MT1F: variants seen among roughly 807,000 people sequenced by gnomAD.
MT1F encodes metallothionein-1F.
Under a neutral mutation model 5.4 loss-of-function variants are expected in MT1F, and 6 were observed. That is an observed-to-expected ratio of 1.11 (90% confidence interval 0.61 to 2.19). The LOEUF is 2.19. Ranked by LOEUF, MT1F falls within the 30% of genes most tolerant of loss-of-function variation. The pLI is 0.00. For missense variants in MT1F, 82 were observed against 77.0 expected (o/e 1.07, Z -0.24); for synonymous variants, 28 against 28.3 (o/e 0.99, Z 0.04).
intron 2 of MT1F, 55 bp downstream of exon 2, chr16:56,658,795 C>T: frequency 6.2e-7 from 1 of 1,604,312 alleles, no homozygotes; most frequent in Non-Finnish European, 8.5e-7. Context: ...TGGGATGGAA[C>T]CCAAGGCTGG....
chr16:56,658,599 G>A, intron 1 of MT1F, 76 bp from the exon 2 acceptor site: 7 of 1,476,874 alleles, frequency 4.7e-6, no homozygotes, highest in South Asian at 1.1e-5. Flanking sequence ...AGGGGGCAAT[G>A]GAGACTCATT....
intron 2 of MT1F, 109 bp from the exon 3 acceptor site, chr16:56,658,964 C>T: frequency 8.9e-7 from 1 of 1,129,344 alleles, no homozygotes; most frequent in Admixed American, 1.8e-5. Flanking sequence ...GCCATACCCT[C>T]CTGAACTGAG....
At position 56,659,227 on chromosome 16, in the gene MT1F, T is replaced by A. The variant is rs545591247; in HGVS notation, c.*63T>A. On this transcript the variant is annotated 3_prime_UTR_variant, in exon 3 of 3. Coordinates refer to ENST00000334350, the MANE Select transcript of MT1F (RefSeq NM_005949.4). ...ACATGTACAAACCTGGATTTTTTTT[T>A]TATACCACCTTGACCCATTTGCTAC... 3 of 1,522,370 alleles carry A rather than the reference T, an allele frequency of 2.0e-6. No homozygotes were observed. The highest frequency in any genetic ancestry group is 1.7e-5 in the Admixed American group (1 of 57,342). The allele number at this position is 1,522,370 out of a possible 1,614,324, so 94.3% of individuals were successfully genotyped here.
At position 56,658,543 on chromosome 16, in the gene MT1F, T is replaced by TGA. The variant is rs113577580; in HGVS notation, c.29-131_29-130insAG. On this transcript the variant is annotated intron_variant, in intron 1 of 2. Coordinates refer to ENST00000334350, the MANE Select transcript of MT1F (RefSeq NM_005949.4). ...AGAGGACATGGGGCTTCTCTTCCTC[T>TGA]GCTCTGAGTGGGAAAGGAGCTCTGA... 7.0e-4 allele frequency: 628 copies of TGA among 895,754 alleles called. 3 individuals carry two copies. The African/African-American group carries it at 9.6e-3, about 14-fold the overall frequency. The allele number at this position is 895,754 out of a possible 1,614,324, so 55.5% of individuals were successfully genotyped here.
chr16:56,658,621 G>T, intron 1 of MT1F, 54 bp from the exon 2 acceptor site: 1 of 1,584,358 alleles, frequency 6.3e-7, no homozygotes, highest in Non-Finnish European at 8.7e-7. Flanking sequence ...ACTCACTGCT[G>T]TACCTCCTGC....
At chr16:56,658,805 G>T in intron 2 of MT1F, 65 bp downstream of exon 2, 2 of 1,583,982 alleles carry the variant, frequency 1.3e-6, no homozygotes, top group Non-Finnish European at 1.7e-6. Context: ...CCCAAGGCTG[G>T]CCCTGAGTGC....
At chr16:56,658,977 T>C in intron 2 of MT1F, 96 bp from the exon 3 acceptor site, 1 of 1,166,400 alleles carries the variant, frequency 8.6e-7, no homozygotes, top group Non-Finnish European at 1.3e-6. Flanking sequence ...GAACTGAGGG[T>C]CCTTTGTGGC....
At position 56,659,150 on chromosome 16, in the gene MT1F, A is replaced by G. The variant is rs1188174587; in HGVS notation, c.172A>G (p.Ser58Gly). 6 of 1,614,004 alleles carry G rather than the reference A, an allele frequency of 3.7e-6. No homozygotes were observed. In the Admixed American group the frequency reaches 8.3e-5, roughly 22 times the overall value. ...TTGCAAAGGGGCGTCAGAGAAGTGC[A>G]GCTGCTGCGACTGATGCCAGGACAA... is the stretch of plus-strand genomic sequence containing the variant. ...CVCKGASEKC[S>G]CCD The change falls in exon 3 of 3, where the codon AGC (serine) becomes GGC (glycine). Residue 58 changes from serine to glycine, a missense_variant. By Grantham distance (56) the Ser-to-Gly change is moderately conservative. Transcript: ENST00000334350.
rs201579326 is a variant in MT1F at position 56,658,739 on chromosome 16, G to A, written c.93G>A (p.Lys31=). The change falls in exon 2 of 3, where the codon AAG becomes AAA. Residue 31 remains lysine, a splice_region_variant and synonymous_variant. Transcript: ENST00000334350. The part of the protein sequence containing the change: ...CKECKCTSCK[K]SCCSCCPVGC... Reference sequence around the variant, plus strand: ...AGTGCAAATGCACCTCCTGCAAGAAGAGTGAGTGTGAGGCCATCTCCATGG... The same window carrying A: ...AGTGCAAATGCACCTCCTGCAAGAAAAGTGAGTGTGAGGCCATCTCCATGG... 1.2e-5 allele frequency: 19 copies of A among 1,614,250 alleles called. No homozygotes were observed. Among genetic ancestry groups the A allele is most frequent in the East Asian group, 2.2e-5 (1 of 44,880 alleles).
At chr16:56,658,220 C>A in intron 1 of MT1F, 134 bp downstream of exon 1, 1 of 996,730 alleles carries the variant, frequency 1.0e-6, no homozygotes, top group Non-Finnish European at 1.5e-6. Flanking sequence ...GTGCTTTCCT[C>A]TTGGCCAAGA....
At chr16:56,658,916 G>A (rs1960656765) in intron 2 of MT1F, 157 bp from the exon 3 acceptor site, 1 of 1,051,516 alleles carries the variant, frequency 9.5e-7, no homozygotes. Context: ...CTCATAGGAA[G>A]ACCCACCCCA....
chr16:56,658,199 G>A, intron 1 of MT1F, 113 bp downstream of exon 1: 2 of 1,224,210 alleles, frequency 1.6e-6, no homozygotes, highest in Non-Finnish European at 2.4e-6. Flanking sequence ...GGGACTCCTT[G>A]ACTTAGTCCA....
intron 1 of MT1F, chr16:56,658,303 C>T (rs1597076250): frequency 1.6e-6 from 1 of 616,106 alleles, no homozygotes; most frequent in Non-Finnish European, 2.9e-6. Flanking sequence ...GGCTGTCCTG[C>T]TCCACGTCAT....
At chr16:56,658,923 C>T in intron 2 of MT1F, 150 bp from the exon 3 acceptor site, 1 of 1,042,644 alleles carries the variant, frequency 9.6e-7, no homozygotes, top group Non-Finnish European at 1.5e-6. Context: ...GAAGACCCAC[C>T]CCAGATATTT....
At chr16:56,658,141 G>A in intron 1 of MT1F, 55 bp downstream of exon 1, 1 of 1,604,010 alleles carries the variant, frequency 6.2e-7, no homozygotes, top group Non-Finnish European at 8.5e-7. Context: ...ACACCATAGA[G>A]AGTGTTCCTG....
At position 56,659,299 on chromosome 16, in the gene MT1F, C is replaced by A; in HGVS notation, c.*135C>A. 1.2e-6 allele frequency: 1 copy of A among 800,766 alleles called. No individual in the cohort carries two copies. The highest frequency in any genetic ancestry group is 2.0e-6 in the Non-Finnish European group (1 of 504,558). 49.6% of individuals were successfully genotyped at this position (800,766 alleles called of 1,614,324 possible). On this transcript the variant is annotated 3_prime_UTR_variant, in exon 3 of 3. Coordinates refer to ENST00000334350, the MANE Select transcript of MT1F (RefSeq NM_005949.4). Reference sequence around the variant, plus strand: ...GTGAGTGATAATTAAACACTTTAGACCTGATTCTGACTTCAGTTTCCCTTA... The same window carrying A: ...GTGAGTGATAATTAAACACTTTAGAACTGATTCTGACTTCAGTTTCCCTTA...
rs1000517726 is a variant in MT1F at position 56,658,714 on chromosome 16, A to C, written c.68A>C (p.Glu23Ala). The C allele has an allele frequency of 6.2e-7, 1 of 1,614,200 alleles. No homozygotes were observed. The highest frequency in any genetic ancestry group is 8.5e-7 in the Non-Finnish European group (1 of 1,180,016). Residue 23 changes from glutamate (E) to alanine (A), a missense_variant, in exon 2 of 3, where the codon GAG becomes GCG. Glu to Ala is a moderately radical substitution (Grantham distance 107). Coordinates refer to ENST00000334350, the MANE Select transcript of MT1F (RefSeq NM_005949.4). ...CTCAGSCKCK[E>A]CKCTSCKKSC... The stretch of plus-strand genomic sequence containing the variant: ...TGCGCTGGTTCCTGCAAGTGCAAAG[A>C]GTGCAAATGCACCTCCTGCAAGAAG...
chr16:56,658,661 T>TC lies in MT1F; in HGVS notation c.29-13dup, dbSNP rs1555485768. The TC allele has an allele frequency of 2.5e-6, 4 of 1,614,114 alleles. No individual in the cohort carries two copies. The highest frequency in any genetic ancestry group is 2.7e-5 in the African/African-American group (2 of 75,028). ...CACTCGCCGCTCACTGGCTTTTTTT[T>TC]CTCTTTCTCGCAGGTGTCTCCTGCA... On this transcript the variant is annotated splice_polypyrimidine_tract_variant and intron_variant, in intron 1 of 2. Coordinates refer to ENST00000334350, the MANE Select transcript of MT1F (RefSeq NM_005949.4).
chr16:56,659,251 A>ACATTC lies in MT1F; in HGVS notation c.*89_*93dup. 7.8e-7 allele frequency: 1 copy of ACATTC among 1,283,616 alleles called. No homozygotes were observed. Among genetic ancestry groups the ACATTC allele is most frequent in the East Asian group, 2.3e-5 (1 of 42,652 alleles). The allele number at this position is 1,283,616 out of a possible 1,614,324, so 79.5% of individuals were successfully genotyped here. ...TTTATACCACCTTGACCCATTTGCT[A>ACATTC]CATTCCTTTTCCTGTGAAATATGTG... On this transcript the variant is annotated 3_prime_UTR_variant, in exon 3 of 3. Coordinates refer to ENST00000334350, the MANE Select transcript of MT1F (RefSeq NM_005949.4).
Sources: gnomAD v4.1 joint callset for allele counts on GRCh38, gnomAD v4.1.1 for gene constraint, MANE v1.5 for transcripts, NCBI Gene and HGNC (gene_info 2026-07-23, HGNC 2026-07-21) for gene names.